CMIP: variants seen among roughly 807,000 people sequenced by gnomAD.
The protein encoded by CMIP is c-Maf inducing protein.
A neutral mutation model predicts 97.3 loss-of-function variants in CMIP; 13 were observed. That is an observed-to-expected ratio of 0.13 (90% CI 0.09 to 0.21). CMIP has a LOEUF of 0.21. Among genes scored for constraint, CMIP ranks in the 10% least tolerant of loss-of-function variants. CMIP has a pLI of 1.00. For missense variants in CMIP, 847 were observed against 1,024.9 expected (o/e 0.83, Z 2.37); for synonymous variants, 538 against 436.3 (o/e 1.23, Z -2.91).
At chr16:81,553,642 A>T (rs1597550627) in intron 1 of CMIP, among the ~76,000 whole-genome samples, 1 of 152,166 alleles carries the variant, frequency 6.6e-6, no homozygotes, top group East Asian at 1.9e-4. Context: ...CAGCCTGGAG[A>T]GGAAGGCTGG....
intron 1 of CMIP, among the ~76,000 whole-genome samples, chr16:81,574,342 C>T (rs1418300577): frequency 1.3e-5 from 2 of 152,240 alleles, no homozygotes; most frequent in Non-Finnish European, 2.9e-5. Context: ...CTGGCACCAA[C>T]AACTTCACAG....
At chr16:81,703,358 C>T (rs1316184288) in intron 17 of CMIP, among the ~76,000 whole-genome samples, 1 of 151,964 alleles carries the variant, frequency 6.6e-6, no homozygotes, top group East Asian at 1.9e-4. Flanking sequence ...CCTCCCAGTC[C>T]GGTGCTCAGG....
chr16:81,599,682 G>C (rs974555572), intron 1 of CMIP, among the ~76,000 whole-genome samples: 5 of 152,204 alleles, frequency 3.3e-5, no homozygotes, highest in South Asian at 4.1e-4. Context: ...TGCTGTCTTG[G>C]GGGGTTACGA....
intron 1 of CMIP, chr16:81,475,922 G>A: frequency 2.5e-6 from 1 of 402,872 alleles, no homozygotes. Context: ...GGGAGGCAGA[G>A]CTTGCAGTGA....
At chr16:81,460,813 C>T (rs1220551941) in intron 1 of CMIP, among the ~76,000 whole-genome samples, 1 of 152,140 alleles carries the variant, frequency 6.6e-6, no homozygotes, top group African/African-American at 2.4e-5. Flanking sequence ...GAAAATTTGC[C>T]CCCTGCAAAG....
At chr16:81,615,977 C>A (rs1026827755) in intron 2 of CMIP, among the ~76,000 whole-genome samples, 1 of 151,794 alleles carries the variant, frequency 6.6e-6, no homozygotes, top group Non-Finnish European at 1.5e-5. Flanking sequence ...GGGGAGGGGA[C>A]CACGGCCAGC....
At chr16:81,615,059 T>A (rs1404392712) in intron 2 of CMIP, among the ~76,000 whole-genome samples, 1 of 131,990 alleles carries the variant, frequency 7.6e-6, no homozygotes, top group East Asian at 2.3e-4. Context: ...TGTGTCTGTG[T>A]GAGGTGTGTG....
At chr16:81,471,544 T>A (rs547472251) in intron 1 of CMIP, among the ~76,000 whole-genome samples, 53 of 135,826 alleles carry the variant, frequency 3.9e-4, no homozygotes, top group African/African-American at 1.3e-3. Flanking sequence ...AGTGTACACA[T>A]ACACACATGT....
chr16:81,627,223 T>G lies in CMIP; in HGVS notation c.477+6297T>G, dbSNP rs957082248. ...GTGTGTGGCATGTGGGATGACTGTTTTATGTGTGTGTGAGTGTGTGTGTGG... is the reference window on the plus strand; with the variant it reads ...GTGTGTGGCATGTGGGATGACTGTTGTATGTGTGTGTGAGTGTGTGTGTGG... On this transcript the variant is annotated intron_variant, in intron 3 of 20. Coordinates refer to ENST00000537098, the MANE Select transcript of CMIP (RefSeq NM_198390.3). The surrounding 1 kb of genome is among the most constrained non-coding windows in gnomAD (Gnocchi z 4.6). Among the ~76,000 whole-genome samples, 11 of 150,098 alleles carry G rather than the reference T, an allele frequency of 7.3e-5. No individual in the cohort carries two copies. Among genetic ancestry groups the G allele is most frequent in the Non-Finnish European group, 1.6e-4 (11 of 67,282 alleles).
At chr16:81,640,738 ATGTGTGTGTGTG>A (rs751455480) in intron 3 of CMIP, among the ~76,000 whole-genome samples, 3 of 138,936 alleles carry the variant, frequency 2.2e-5, no homozygotes, top group South Asian at 2.4e-4. Flanking sequence ...TCTCTGGAGC[ATGTGTGTGTGTG>A]TGTGTGTGTG....
chr16:81,502,595 G>A (rs1205067604), intron 1 of CMIP, among the ~76,000 whole-genome samples: 1 of 152,216 alleles, frequency 6.6e-6, no homozygotes, highest in African/African-American at 2.4e-5. Context: ...CGAGGATGGG[G>A]AGGACTCAGA....
At chr16:81,603,792 T>G (rs2150936515) in intron 1 of CMIP, among the ~76,000 whole-genome samples, 1 of 152,364 alleles carries the variant, frequency 6.6e-6, no homozygotes, top group East Asian at 1.9e-4. Context: ...GGTTATGGGT[T>G]TGGGGAGGAA....
At chr16:81,603,491 G>A (rs1307948052) in intron 1 of CMIP, 6 of 454,288 alleles carry the variant, frequency 1.3e-5, no homozygotes, top group Non-Finnish European at 2.6e-5. Context: ...TTCCCCAGCT[G>A]CTAGTATCTT....
At chr16:81,493,260 G>A (rs1381657702) in intron 1 of CMIP, among the ~76,000 whole-genome samples, 1 of 152,166 alleles carries the variant, frequency 6.6e-6, no homozygotes, top group African/African-American at 2.4e-5. Flanking sequence ...GCAGTCTGAG[G>A]GCAGCAGTGG....
At chr16:81,686,693 T>G (rs1321715172) in intron 10 of CMIP, among the ~76,000 whole-genome samples, 1 of 152,048 alleles carries the variant, frequency 6.6e-6, no homozygotes, top group South Asian at 2.1e-4. Context: ...ATCGTGGGCT[T>G]ATTTGGAGGA....
intron 1 of CMIP, among the ~76,000 whole-genome samples, chr16:81,475,486 C>G (rs1031960520): frequency 2.0e-5 from 3 of 148,034 alleles, no homozygotes; most frequent in African/African-American, 7.4e-5. Context: ...ATAATGTTTC[C>G]TAGATTTTTT....
At position 81,559,560 on chromosome 16, in the gene CMIP, C is replaced by G. The variant is rs77285458; in HGVS notation, c.301-48007C>G. On this transcript the variant is annotated intron_variant, in intron 1 of 20. Coordinates refer to ENST00000537098, the MANE Select transcript of CMIP (RefSeq NM_198390.3). The stretch of plus-strand genomic sequence containing the variant: ...GTGGTCCCATAAGATCATAATGGAG[C>G]TGAAAAATTCCTGTCACCTACTCAT... Among the ~76,000 whole-genome samples the G allele has an allele frequency of 3.5e-3, 540 of 152,294 alleles. 4 individuals are homozygous for G. The highest frequency in any genetic ancestry group is 6.3e-3 in the Non-Finnish European group (429 of 68,022).
chr16:81,545,564 C>T (rs1333190583), intron 1 of CMIP, among the ~76,000 whole-genome samples: 1 of 152,156 alleles, frequency 6.6e-6, no homozygotes, highest in Non-Finnish European at 1.5e-5. Context: ...CCAGCATCCT[C>T]CTCCATCTAC....
At chr16:81,540,749 C>T (rs1033861928) in intron 1 of CMIP, among the ~76,000 whole-genome samples, 12 of 151,178 alleles carry the variant, frequency 7.9e-5, no homozygotes, top group African/African-American at 2.4e-4. Flanking sequence ...GGCGCGATCT[C>T]GGCTTACTGC....
Sources: allele counts gnomAD v4.1 joint callset (sites outside exome capture counted in the v4.1 genomes callset), GRCh38; gene constraint gnomAD v4.1.1; non-coding constraint Gnocchi (gnomAD v3.1); transcripts MANE v1.5; gene names NCBI Gene and HGNC (gene_info 2026-07-23, HGNC 2026-07-21).